Variants in BCAS3 observed in about 807,000 individuals in gnomAD.
BCAS3 encodes the protein BCAS4/BCAS3 fusion.
In BCAS3, 53 loss-of-function variants were observed where a neutral mutation model predicts 116.1. The ratio of observed to expected loss-of-function variants is 0.46; its 90% confidence interval spans 0.37 to 0.57. The LOEUF (loss-of-function observed/expected upper bound fraction) is 0.57, where lower values mean the gene tolerates loss of function less well. Ranked by LOEUF, BCAS3 falls within the 20% of genes least tolerant of loss-of-function variation. The pLI, the probability that BCAS3 is intolerant of heterozygous loss-of-function variation, is 0.00. For missense variants in BCAS3, 917 were observed against 1,165.4 expected, an observed-to-expected ratio of 0.79 and a Z score of 3.10; for synonymous variants, 391 against 408.2, an observed-to-expected ratio of 0.96 and a Z score of 0.51.
chr17:60,726,204 A>T lies in BCAS3; in HGVS notation c.321+16879A>T, dbSNP rs563001687. ...GCCACTGCTCCCGGCCAGAGGGAGG[A>T]TTTTTTTTTTTTTTGAGACAGAGTC... On this transcript the variant is annotated intron_variant, in intron 5 of 23. Transcript: ENST00000407086. 9.5e-3 allele frequency among the ~76,000 whole-genome samples: 1,036 copies of T among 109,568 alleles called. 10 individuals carry two copies. Among genetic ancestry groups the T allele is most frequent in the Middle Eastern group, 0.048 (6 of 126 alleles). 71.9% of individuals were successfully genotyped at this position (109,568 alleles called of 152,430 possible).
chr17:61,296,737 A>G (rs1186936137), intron 22 of BCAS3, among the ~76,000 whole-genome samples: 1 of 152,228 alleles, frequency 6.6e-6, no homozygotes, highest in Non-Finnish European at 1.5e-5. Context: ...CAAGTCTTGA[A>G]GAATGAGTTG....
intron 12 of BCAS3, among the ~76,000 whole-genome samples, chr17:60,915,086 C>T (rs576445773): frequency 2.6e-5 from 4 of 152,210 alleles, no homozygotes; most frequent in East Asian, 1.9e-4. Flanking sequence ...GAAACTGAGC[C>T]GCTCAAAAGC....
chr17:60,697,651 C>T (rs556363984), intron 4 of BCAS3, among the ~76,000 whole-genome samples: 1 of 151,268 alleles, frequency 6.6e-6, no homozygotes, highest in Non-Finnish European at 1.5e-5. Flanking sequence ...GAATAGAAAT[C>T]CAGTATCCCT....
chr17:61,305,004 G>A (rs535997506), intron 22 of BCAS3, among the ~76,000 whole-genome samples: 202 of 152,184 alleles, frequency 1.3e-3, no homozygotes, highest in African/African-American at 4.6e-3. Flanking sequence ...TGATCCGCCC[G>A]CCTCGGCCTC....
intron 22 of BCAS3, among the ~76,000 whole-genome samples, chr17:61,317,159 C>T (rs572675345): frequency 6.6e-6 from 1 of 152,170 alleles, no homozygotes; most frequent in Non-Finnish European, 1.5e-5. Flanking sequence ...ATATTTAGCT[C>T]TTATGCCCTA....
In BCAS3 at chr17:61,199,822, T is replaced by G. The variant is rs904149367; in HGVS notation, c.2425+115258T>G. 1.3e-5 allele frequency among the ~76,000 whole-genome samples: 2 copies of G among 152,200 alleles called. No homozygotes were observed. Among genetic ancestry groups the G allele is most frequent in the East Asian group, 1.9e-4 (1 of 5,192 alleles). The stretch of plus-strand genomic sequence containing the variant: ...TTCCAAAAGCCCGGTAAAGTTAGTT[T>G]GCTTAAAACTACCTGAAAATGTCTT... On this transcript the variant is annotated intron_variant, in intron 22 of 23. Coordinates refer to ENST00000407086, the MANE Select transcript of BCAS3 (RefSeq NM_017679.5). The surrounding 1 kb of genome is among the most constrained non-coding windows in gnomAD (Gnocchi z 4.6).
Position 61,380,652 on chromosome 17 carries a change from C to A in BCAS3, c.2594-11325C>A. The A allele has an allele frequency of 3.7e-6, 5 of 1,354,312 alleles. No individual in the cohort carries two copies. The highest frequency in any genetic ancestry group is 5.2e-6 in the Non-Finnish European group (5 of 970,700). The allele number at this position is 1,354,312 out of a possible 1,614,324, so 83.9% of individuals were successfully genotyped here. ...GTCCCTCAAGAGGGTGCCCTCCTAC[C>A]CCCTCGTGCCCAGGCCCAGGAGCAC... On this transcript the variant is annotated intron_variant, in intron 23 of 23. Transcript: ENST00000407086. The surrounding 1 kb of genome is among the most constrained non-coding windows in gnomAD (Gnocchi z 4.2).
chr17:60,798,039 TCAAA>T (rs2047373059), intron 6 of BCAS3, among the ~76,000 whole-genome samples: 1 of 152,120 alleles, frequency 6.6e-6, no homozygotes, highest in Non-Finnish European at 1.5e-5. Flanking sequence ...AGACCCTGTC[TCAAA>T]CAAACAAAAA....
Position 61,356,151 on chromosome 17 carries a change from T to A in BCAS3, c.2426-12176T>A, listed in dbSNP as rs1353200557. On this transcript the variant is annotated intron_variant, in intron 22 of 23. Coordinates refer to ENST00000407086, the MANE Select transcript of BCAS3 (RefSeq NM_017679.5). The surrounding 1 kb of genome is among the most constrained non-coding windows in gnomAD (Gnocchi z 5.4). Reference sequence around the variant, plus strand: ...CTGGGATTACAGGCGCCTGCCATCATGCCCGGCTGATTTTTGTATTTTTGT... The same window carrying A: ...CTGGGATTACAGGCGCCTGCCATCAAGCCCGGCTGATTTTTGTATTTTTGT... Among the ~76,000 whole-genome samples the A allele has an allele frequency of 6.6e-6, 1 of 152,076 alleles. No individual in the cohort carries two copies. The highest frequency in any genetic ancestry group is 6.5e-5 in the Admixed American group (1 of 15,274).
chr17:60,948,235 A>G (rs1311000100), intron 14 of BCAS3, among the ~76,000 whole-genome samples: 1 of 151,834 alleles, frequency 6.6e-6, no homozygotes, highest in African/African-American at 2.4e-5. Context: ...CAGCCTCCCA[A>G]CCAGCTGAGA....
chr17:61,296,335 A>G (rs1227009822), intron 22 of BCAS3, among the ~76,000 whole-genome samples: 2 of 152,224 alleles, frequency 1.3e-5, no homozygotes, highest in Non-Finnish European at 2.9e-5. Flanking sequence ...TAGCACGATC[A>G]CTATGAGTTG....
intron 7 of BCAS3, among the ~76,000 whole-genome samples, chr17:60,852,001 T>C (rs2053212559): frequency 6.6e-6 from 1 of 152,198 alleles, no homozygotes; most frequent in South Asian, 2.1e-4. Flanking sequence ...TTTGACTGTC[T>C]TGGGTGTCAG....
intron 13 of BCAS3, among the ~76,000 whole-genome samples, chr17:60,927,263 T>G (rs1401134784): frequency 2.6e-5 from 4 of 151,914 alleles, no homozygotes; most frequent in Admixed American, 1.3e-4. Context: ...GTTTTTTGTT[T>G]GTTTTTTTTT....
In BCAS3 at chr17:61,233,596, G is replaced by C. The variant is rs1326313224; in HGVS notation, c.2426-134731G>C. On this transcript the variant is annotated intron_variant, in intron 22 of 23. Transcript: ENST00000407086. This position sits in a 1 kb window ranked among gnomAD's most constrained non-coding sequence, Gnocchi z 4.3. Reference sequence around the variant, plus strand: ...GCATATACCGAACTTGAAGACTGGAGAGGTATTTTTGCCTTAACCCTGTCT... The same window carrying C: ...GCATATACCGAACTTGAAGACTGGACAGGTATTTTTGCCTTAACCCTGTCT... 6.6e-6 allele frequency among the ~76,000 whole-genome samples: 1 copy of C among 152,222 alleles called. No individual in the cohort carries two copies. Among genetic ancestry groups the C allele is most frequent in the Non-Finnish European group, 1.5e-5 (1 of 68,044 alleles).
intron 11 of BCAS3, among the ~76,000 whole-genome samples, chr17:60,905,018 G>A (rs990266854): frequency 2.6e-5 from 4 of 152,074 alleles, no homozygotes; most frequent in Non-Finnish European, 5.9e-5. Context: ...CTTTAGAAGA[G>A]CATTATAATA....
chr17:61,068,935 A>G lies in BCAS3; in HGVS notation c.2030-5985A>G, dbSNP rs572222576. On this transcript the variant is annotated intron_variant, in intron 19 of 23. Coordinates refer to ENST00000407086, the MANE Select transcript of BCAS3 (RefSeq NM_017679.5). This position sits in a 1 kb window ranked among gnomAD's most constrained non-coding sequence, Gnocchi z 4.3. ...GTAGTAAACATAGAATGTTCTTCCTACCTGGATTGAGAGAAATTTTTTAAT... is the reference window on the plus strand; with the variant it reads ...GTAGTAAACATAGAATGTTCTTCCTGCCTGGATTGAGAGAAATTTTTTAAT... Among the ~76,000 whole-genome samples the G allele has an allele frequency of 2.0e-5, 3 of 152,316 alleles. No homozygotes were observed.
chr17:60,762,789 C>T (rs112296995), intron 6 of BCAS3, among the ~76,000 whole-genome samples: 41,564 of 151,844 alleles, frequency 0.27, 11,383 homozygotes, highest in African/African-American at 0.71. Flanking sequence ...TTACCTTGGT[C>T]GGTATGGCCA....
intron 19 of BCAS3, among the ~76,000 whole-genome samples, chr17:61,053,243 A>T (rs2069050990): frequency 6.6e-6 from 1 of 152,170 alleles, no homozygotes; most frequent in Non-Finnish European, 1.5e-5. Flanking sequence ...TTCCCAAACA[A>T]ATTTTGTACT....
intron 22 of BCAS3, among the ~76,000 whole-genome samples, chr17:61,174,993 C>CA (rs1229105690): frequency 6.6e-6 from 1 of 152,190 alleles, no homozygotes; most frequent in African/African-American, 2.4e-5. Context: ...TTTGACCACA[C>CA]AAGTCCTTGT....
Sources: allele counts gnomAD v4.1 joint callset (sites outside exome capture counted in the v4.1 genomes callset), GRCh38; gene constraint gnomAD v4.1.1; non-coding constraint Gnocchi (gnomAD v3.1); transcripts MANE v1.5; gene names NCBI Gene and HGNC (gene_info 2026-07-23, HGNC 2026-07-21).